CTDSPL2: variants seen among roughly 807,000 people sequenced by gnomAD.
CTDSPL2 encodes CTD small phosphatase-like protein 2.
In CTDSPL2, 5 loss-of-function variants were observed where a neutral mutation model predicts 60.0. That is an observed-to-expected ratio of 0.08 (90% CI 0.04 to 0.18). The LOEUF (loss-of-function observed/expected upper bound fraction) is 0.18. Ranked by LOEUF, CTDSPL2 falls within the 10% of genes least tolerant of loss-of-function variation. CTDSPL2 has a pLI of 1.00. For missense variants in CTDSPL2, 370 were observed against 548.8 expected, an observed-to-expected ratio of 0.67 and a Z score of 3.26; for synonymous variants, 186 against 189.3, an observed-to-expected ratio of 0.98 and a Z score of 0.14.
At chr15:44,513,586 G>C (rs2081602397) in intron 8 of CTDSPL2, among the ~76,000 whole-genome samples, 1 of 152,176 alleles carries the variant, frequency 6.6e-6, no homozygotes. Flanking sequence ...GCATGTATAT[G>C]GATGCCAGAA....
intron 12 of CTDSPL2, among the ~76,000 whole-genome samples, chr15:44,522,404 CT>C (rs2081795854): frequency 1.3e-5 from 2 of 152,242 alleles, no homozygotes; most frequent in South Asian, 4.1e-4. Context: ...GATTGAATGT[CT>C]TTACTATTTC....
intron 1 of CTDSPL2, among the ~76,000 whole-genome samples, chr15:44,433,957 A>G (rs1014933613): frequency 6.6e-6 from 1 of 151,726 alleles, no homozygotes; most frequent in African/African-American, 2.4e-5. Context: ...TCGTCTCAAA[A>G]AAAAAAAAAA....
intron 4 of CTDSPL2, among the ~76,000 whole-genome samples, chr15:44,490,379 C>T (rs2081194293): frequency 6.6e-6 from 1 of 152,178 alleles, no homozygotes; most frequent in Admixed American, 6.5e-5. Context: ...AATCTGCTTG[C>T]CTCAGCCTCC....
At chr15:44,442,464 GAT>G (rs887141273) in intron 1 of CTDSPL2, among the ~76,000 whole-genome samples, 14 of 148,982 alleles carry the variant, frequency 9.4e-5, no homozygotes, top group African/African-American at 3.0e-4. Flanking sequence ...AAAAAAAAAA[GAT>G]AGATAATTTT....
At chr15:44,486,986 C>G (rs1023948246) in intron 4 of CTDSPL2, among the ~76,000 whole-genome samples, 1 of 152,108 alleles carries the variant, frequency 6.6e-6, no homozygotes, top group East Asian at 1.9e-4. Flanking sequence ...AGGCTGGTCT[C>G]AAACTCTTGA....
At chr15:44,465,037 C>T (rs1190205615) in intron 2 of CTDSPL2, among the ~76,000 whole-genome samples, 1 of 151,726 alleles carries the variant, frequency 6.6e-6, no homozygotes, top group Non-Finnish European at 1.5e-5. Flanking sequence ...TTTTTAAAGG[C>T]CCTATCTTCA....
chr15:44,484,157 T>A, intron 2 of CTDSPL2, 67 bp from the exon 3 acceptor site: 1 of 1,399,454 alleles, frequency 7.1e-7, no homozygotes, highest in Non-Finnish European at 9.8e-7. Flanking sequence ...TTTTTTCATT[T>A]TAATATTGTA....
intron 1 of CTDSPL2, among the ~76,000 whole-genome samples, chr15:44,445,204 GAC>G (rs953610730): frequency 2.7e-5 from 4 of 149,452 alleles, no homozygotes; most frequent in African/African-American, 9.9e-5. Context: ...TTCTTTTTGA[GAC>G]AGAGTCTCAC....
chr15:44,501,569 T>A (rs989847583), intron 8 of CTDSPL2, among the ~76,000 whole-genome samples: 2 of 152,164 alleles, frequency 1.3e-5, no homozygotes, highest in Non-Finnish European at 2.9e-5. Context: ...TATGACTAAT[T>A]AAAATACTGT....
chr15:44,490,762 G>T (rs1567090092), intron 4 of CTDSPL2, 22 bp from the exon 5 acceptor site: 1 of 1,583,862 alleles, frequency 6.3e-7, no homozygotes, highest in Non-Finnish European at 8.7e-7. Context: ...AATGATGATA[G>T]TACACTGAAT....
chr15:44,466,207 G>A (rs2080687574), intron 2 of CTDSPL2, among the ~76,000 whole-genome samples: 1 of 152,120 alleles, frequency 6.6e-6, no homozygotes, highest in African/African-American at 2.4e-5. Context: ...AAAGTGCTGG[G>A]ATTACAGGCG....
rs368696410 is a variant in CTDSPL2 at position 44,528,695 on chromosome 15, C to T, written c.*4521C>T. 9.9e-5 allele frequency: 15 copies of T among 151,878 alleles called. No individual in the cohort carries two copies. In the South Asian group the frequency reaches 2.1e-3, roughly 21 times the overall value. 9.4% of individuals were successfully genotyped at this position (151,878 alleles called of 1,614,324 possible). A position where few individuals can be genotyped will look rare whatever the true frequency, so the allele number is the denominator to read the frequency against. On this transcript the variant is annotated 3_prime_UTR_variant, in exon 13 of 13. Coordinates refer to ENST00000260327, the MANE Select transcript of CTDSPL2 (RefSeq NM_016396.3). ...CTAAAGGACATGTCCCTGAATGAGA[C>T]CATTATATATATTATCTGTAAAATA...
intron 5 of CTDSPL2, 77 bp downstream of exon 5, chr15:44,491,076 A>G: frequency 8.9e-7 from 1 of 1,127,306 alleles, no homozygotes; most frequent in Non-Finnish European, 1.3e-6. Context: ...TTTTTCTTAA[A>G]TGAGCACATT....
At chr15:44,433,152 C>G (rs939750766) in intron 1 of CTDSPL2, among the ~76,000 whole-genome samples, 1 of 150,440 alleles carries the variant, frequency 6.6e-6, no homozygotes, top group Non-Finnish European at 1.5e-5. Context: ...CTGTCTCTAC[C>G]TAAAATACAA....
chr15:44,511,331 TATGCACAA>T (rs2081561632), intron 8 of CTDSPL2, among the ~76,000 whole-genome samples: 1 of 152,240 alleles, frequency 6.6e-6, no homozygotes, highest in African/African-American at 2.4e-5. Flanking sequence ...AAAGTAGTAG[TATGCACAA>T]TGAAGTTATA....
At position 44,455,415 on chromosome 15, in the gene CTDSPL2, T is replaced by C. The variant is rs1393134155; in HGVS notation, c.-24-3576T>C. Among the ~76,000 whole-genome samples, 8 of 152,310 alleles carry C rather than the reference T, an allele frequency of 5.3e-5. No homozygotes were observed. The East Asian group carries it at 1.4e-3, about 26-fold the overall frequency. ...TTCCTAATTGAATACCCTTTATTTC[T>C]TTCTCCTGCCTTATTGCCCTGTCCA... On this transcript the variant is annotated intron_variant, in intron 1 of 12. Coordinates refer to ENST00000260327, the MANE Select transcript of CTDSPL2 (RefSeq NM_016396.3).
At chr15:44,482,773 T>A (rs976408471) in intron 2 of CTDSPL2, among the ~76,000 whole-genome samples, 11 of 152,232 alleles carry the variant, frequency 7.2e-5, no homozygotes, top group African/African-American at 2.7e-4. Context: ...GTAGAAAATG[T>A]ATGTTAGTGC....
intron 8 of CTDSPL2, among the ~76,000 whole-genome samples, chr15:44,511,300 A>G (rs1291219501): frequency 6.6e-6 from 1 of 152,246 alleles, no homozygotes; most frequent in Non-Finnish European, 1.5e-5. Context: ...TTTAAGATGC[A>G]TGTTATATTT....
intron 2 of CTDSPL2, among the ~76,000 whole-genome samples, chr15:44,459,512 C>A (rs1235250353): frequency 6.6e-6 from 1 of 151,946 alleles, no homozygotes; most frequent in South Asian, 2.1e-4. Flanking sequence ...TGGGCGACAG[C>A]GGGACTCCGT....
Sources: allele counts gnomAD v4.1 joint callset (sites outside exome capture counted in the v4.1 genomes callset), GRCh38; gene constraint gnomAD v4.1.1; transcripts MANE v1.5; gene names NCBI Gene and HGNC (gene_info 2026-07-23, HGNC 2026-07-21).